The following SLC22A11 variants were observed in gnomAD, a reference collection of about 807,000 sequenced individuals.
The protein encoded by SLC22A11 is solute carrier family 22 member 11, also known as organic anion transporter 4.
SLC22A11 carries 42 observed loss-of-function variants against 49.4 expected under a neutral mutation model. The ratio of observed to expected loss-of-function variants is 0.85; its 90% CI spans 0.66 to 1.10. The LOEUF is 1.10. Ranked by LOEUF, SLC22A11 falls within the 50% of genes least tolerant of loss-of-function variation. SLC22A11 has a pLI of 0.00. For missense variants in SLC22A11, 685 were observed against 731.6 expected, an observed-to-expected ratio of 0.94 and a Z score of 0.74; for synonymous variants, 304 against 315.8, an observed-to-expected ratio of 0.96 and a Z score of 0.40.
Position 64,565,287 on chromosome 11 carries a change from G to A in SLC22A11, c.1008G>A (p.Leu336=), listed in dbSNP as rs1462093211. The change falls in exon 6 of 10, where the codon CTG becomes CTA. Residue 336 remains leucine, a synonymous_variant. Coordinates refer to ENST00000301891, the MANE Select transcript of SLC22A11 (RefSeq NM_018484.4). The surrounding 1 kb of genome is among the most constrained non-coding windows in gnomAD (Gnocchi z 4.1). ...AGGAGCCGCGGTCGGTGCTGGACCT[G>A]TTCTGCGTGCCCGTGCTCCGCTGGA... is the stretch of plus-strand genomic sequence containing the variant. ...SAKEPRSVLD[L]FCVPVLRWRS... 6.4e-7 allele frequency: 1 copy of A among 1,551,406 alleles called. No individual in the cohort carries two copies. The highest frequency in any genetic ancestry group is 1.2e-5 in the South Asian group (1 of 84,028).
Position 64,569,658 on chromosome 11 carries a change from AG to A in SLC22A11, c.1390del (p.Ala464GlnfsTer14), listed in dbSNP as rs766247957. ...CCCTCCCCTTCACCCACAGGATGAC[AG>A]CAGATGGCATTCTGCATACAGTGGG... ...ELFPTPVRMTADGILHTVGRL... is the reference protein window; with the variant it reads ...ELFPTPVRMTXDGILHTVGRL... On this transcript the variant is annotated frameshift_variant, in exon 9 of 10. Transcript: ENST00000301891. LOFTEE classifies it high-confidence loss of function. 5 of 1,613,802 alleles carry A rather than the reference AG, an allele frequency of 3.1e-6. No homozygotes were observed. The highest frequency in any genetic ancestry group is 4.2e-6 in the Non-Finnish European group (5 of 1,179,832).
chr11:64,565,641 C>T lies in SLC22A11; in HGVS notation c.1058+304C>T, dbSNP rs1402416852. The T allele has an allele frequency of 1.8e-5, 9 of 489,188 alleles. No homozygotes were observed. In the Admixed American group the frequency reaches 1.9e-4, roughly 11 times the overall value. The allele number at this position is 489,188 out of a possible 1,614,324, so 30.3% of individuals were successfully genotyped here. Reference sequence around the variant, plus strand: ...CAAGACAGAGGCAGAGCCAGGGTCCCTAGAGCCAGGGGACCAGCCACGGCC... The same window carrying T: ...CAAGACAGAGGCAGAGCCAGGGTCCTTAGAGCCAGGGGACCAGCCACGGCC... On this transcript the variant is annotated intron_variant, in intron 6 of 9. Coordinates refer to ENST00000301891, the MANE Select transcript of SLC22A11 (RefSeq NM_018484.4). This position sits in a 1 kb window ranked among gnomAD's most constrained non-coding sequence, Gnocchi z 4.1.
In SLC22A11 at chr11:64,565,299, C is replaced by T. The variant is rs1473498512; in HGVS notation, c.1020C>T (p.Pro340=). 12 of 1,550,760 alleles carry T rather than the reference C, an allele frequency of 7.7e-6. No homozygotes were observed. Among genetic ancestry groups the T allele is most frequent in the South Asian group, 1.2e-5 (1 of 84,018 alleles). ...PRSVLDLFCV[P]VLRWRSCAML... Reference sequence around the variant, plus strand: ...CGGTGCTGGACCTGTTCTGCGTGCCCGTGCTCCGCTGGAGGAGCTGCGCCA... The same window carrying T: ...CGGTGCTGGACCTGTTCTGCGTGCCTGTGCTCCGCTGGAGGAGCTGCGCCA... The change falls in exon 6 of 10, where the codon CCC becomes CCT. Residue 340 remains proline, a synonymous_variant. Transcript: ENST00000301891. This position sits in a 1 kb window ranked among gnomAD's most constrained non-coding sequence, Gnocchi z 4.1.
chr11:64,561,403 A>AT (rs2038541576), intron 2 of SLC22A11, among the ~76,000 whole-genome samples: 1 of 152,210 alleles, frequency 6.6e-6, no homozygotes, highest in Non-Finnish European at 1.5e-5. Context: ...CAGGAAGGAC[A>AT]GAGCTGGGGC....
At position 64,564,277 on chromosome 11, in the gene SLC22A11, C is replaced by T. The variant is rs377256691; in HGVS notation, c.822-31C>T. 128 of 1,612,898 alleles carry T rather than the reference C, an allele frequency of 7.9e-5. No homozygotes were observed. The highest frequency in any genetic ancestry group is 2.3e-4 in the African/African-American group (17 of 74,908). ...CCGCCCCGGGGGAGAGCCCAGCGTG[C>T]ACTCCCAGCTACACACCTGCCTCCT... On this transcript the variant is annotated intron_variant, in intron 4 of 9. Transcript: ENST00000301891. The surrounding 1 kb of genome is among the most constrained non-coding windows in gnomAD (Gnocchi z 4.2).
At position 64,571,220 on chromosome 11, in the gene SLC22A11, G is replaced by A; in HGVS notation, c.*178G>A. On this transcript the variant is annotated 3_prime_UTR_variant, in exon 10 of 10. Transcript: ENST00000301891. ...GCTGTGGCTGAAGGCAGCTTCCACAGCTCACTCCTCTTCTCCCTGCCCTGA... is the reference window on the plus strand; with the variant it reads ...GCTGTGGCTGAAGGCAGCTTCCACAACTCACTCCTCTTCTCCCTGCCCTGA... 1.6e-6 allele frequency: 1 copy of A among 635,742 alleles called. No homozygotes were observed. The highest frequency in any genetic ancestry group is 2.8e-6 in the Non-Finnish European group (1 of 362,542). The allele number at this position is 635,742 out of a possible 1,614,324, so 39.4% of individuals were successfully genotyped here.
chr11:64,571,028 AG>A lies in SLC22A11; in HGVS notation c.1640del (p.Ser547IlefsTer14). 6.2e-7 allele frequency: 1 copy of A among 1,614,252 alleles called. No homozygotes were observed. The highest frequency in any genetic ancestry group is 8.5e-7 in the Non-Finnish European group (1 of 1,180,040). On this transcript the variant is annotated frameshift_variant, in exon 10 of 10. Coordinates refer to ENST00000301891, the MANE Select transcript of SLC22A11 (RefSeq NM_018484.4). LOFTEE classifies it high-confidence loss of function. ...CCGGCAAGAGGCCGTCACTGTGGAA[AG>A]TACCTCGCTCTAGAAATTGTGCCTG... ...GNRQEAVTVE[S>X]TSL
At chr11:64,557,259 G>C (rs1336736969) in intron 1 of SLC22A11, among the ~76,000 whole-genome samples, 1 of 152,222 alleles carries the variant, frequency 6.6e-6, no homozygotes, top group African/African-American at 2.4e-5. Flanking sequence ...AGGTTAAGGG[G>C]CTGTCCCAGC....
At chr11:64,566,035 G>A (rs61884363) in intron 6 of SLC22A11, 16 of 162,138 alleles carry the variant, frequency 9.9e-5, no homozygotes, top group Non-Finnish European at 1.8e-4. Flanking sequence ...GCTCAAGCCT[G>A]TAATCCCTCA....
chr11:64,567,624 G>A lies in SLC22A11; in HGVS notation c.1084G>A (p.Gly362Arg). 6.2e-7 allele frequency: 1 copy of A among 1,614,074 alleles called. No homozygotes were observed. Among genetic ancestry groups the A allele is most frequent in the Non-Finnish European group, 8.5e-7 (1 of 1,180,032 alleles). Residue 362 changes from glycine (G) to arginine (R), a missense_variant, in exon 7 of 10, where the codon GGG becomes AGG. Transcript: ENST00000301891. ...VNFSLLISYY[G>R]LVFDLQSLGR... The stretch of plus-strand genomic sequence containing the variant: ...TTTCTCTCTATTGATCTCCTACTAT[G>A]GGCTGGTCTTCGACCTGCAGAGCCT...
Position 64,555,956 on chromosome 11 carries a change from C to T in SLC22A11, c.-44C>T, listed in dbSNP as rs1161299659. 1.9e-6 allele frequency: 3 copies of T among 1,543,402 alleles called. No individual in the cohort carries two copies. The highest frequency in any genetic ancestry group is 1.2e-5 in the South Asian group (1 of 82,414). ...TCTTGTGGCTGCAATCGGTTCCAAA[C>T]AGCAGTTAGGTCAGCAGTCCGCTCA... On this transcript the variant is annotated 5_prime_UTR_variant, in exon 1 of 10. Coordinates refer to ENST00000301891, the MANE Select transcript of SLC22A11 (RefSeq NM_018484.4).
rs755068949 is a variant in SLC22A11, at chr11:64,564,268, C to T, written c.822-40C>T. ...CTTTCCACCCCGCCCCGGGGGAGAG[C>T]CCAGCGTGCACTCCCAGCTACACAC... On this transcript the variant is annotated intron_variant, in intron 4 of 9. Coordinates refer to ENST00000301891, the MANE Select transcript of SLC22A11 (RefSeq NM_018484.4). The surrounding 1 kb of genome is among the most constrained non-coding windows in gnomAD (Gnocchi z 4.2). 2.0e-5 allele frequency: 32 copies of T among 1,611,618 alleles called. No homozygotes were observed. Among genetic ancestry groups the T allele is most frequent in the Non-Finnish European group, 2.6e-5 (31 of 1,178,672 alleles).
chr11:64,557,859 G>A (rs1323377220), intron 1 of SLC22A11, among the ~76,000 whole-genome samples: 5 of 148,236 alleles, frequency 3.4e-5, no homozygotes, highest in African/African-American at 1.3e-4. Flanking sequence ...GTGCAATAAC[G>A]CAATCTCGGC....
In SLC22A11 at chr11:64,564,471, T is replaced by G. The variant is rs1163628671; in HGVS notation, c.942+43T>G. ...GCGAGACTTGACCTGGGACAGGACGTGCACTGAGGGATCATCCGTGTGGCC... is the reference window on the plus strand; with the variant it reads ...GCGAGACTTGACCTGGGACAGGACGGGCACTGAGGGATCATCCGTGTGGCC... On this transcript the variant is annotated intron_variant, in intron 5 of 9. Coordinates refer to ENST00000301891, the MANE Select transcript of SLC22A11 (RefSeq NM_018484.4). This position sits in a 1 kb window ranked among gnomAD's most constrained non-coding sequence, Gnocchi z 4.2. 1 of 1,605,928 alleles carries G rather than the reference T, an allele frequency of 6.2e-7. No individual in the cohort carries two copies. Among genetic ancestry groups the G allele is most frequent in the South Asian group, 1.1e-5 (1 of 90,226 alleles).
chr11:64,569,817 G>A lies in SLC22A11; in HGVS notation c.1548G>A (p.Gln516=). The A allele has an allele frequency of 6.2e-7, 1 of 1,613,902 alleles. No individual in the cohort carries two copies. The highest frequency in any genetic ancestry group is 8.5e-7 in the Non-Finnish European group (1 of 1,180,032). The change falls in exon 9 of 10, where the codon CAG becomes CAA. Residue 516 remains glutamine (Q), a synonymous_variant. Transcript: ENST00000301891. ...TGCTGTTCTTCCTCCCGGAGACCCA[G>A]GGACTTCCGCTCCCTGACACTATCC... The part of the protein sequence containing the change: ...LVVLFFLPET[Q]GLPLPDTIQD...
Position 64,569,368 on chromosome 11 carries a change from G to A in SLC22A11, c.1383-284G>A, listed in dbSNP as rs542174916. On this transcript the variant is annotated intron_variant, in intron 8 of 9. Coordinates refer to ENST00000301891, the MANE Select transcript of SLC22A11 (RefSeq NM_018484.4). ...AGCATTTATTGATTTTGTTGATATC[G>A]TATGGAAAGCCTGAGTTGGGAGCTC... Among the ~76,000 whole-genome samples the A allele has an allele frequency of 2.1e-3, 315 of 152,232 alleles. 1 individual carries two copies. Among genetic ancestry groups the A allele is most frequent in the African/African-American group, 6.6e-3 (276 of 41,534 alleles).
At position 64,556,119 on chromosome 11, in the gene SLC22A11, C is replaced by T; in HGVS notation, c.120C>T (p.Phe40=). Residue 40 remains phenylalanine (F), a synonymous_variant, in exon 1 of 10, where the codon TTC becomes TTT. Coordinates refer to ENST00000301891, the MANE Select transcript of SLC22A11 (RefSeq NM_018484.4). ...CTTCCCAGATGCTCCTGGAGAACTT[C>T]TCAGCCGCCATCCCAGGCCACCGAT... ...MIPSQMLLEN[F]SAAIPGHRCW... The T allele has an allele frequency of 6.2e-7, 1 of 1,614,198 alleles. No individual in the cohort carries two copies.
In SLC22A11 at chr11:64,562,485, G is replaced by C. The variant is rs189813519; in HGVS notation, c.821+50G>C. On this transcript the variant is annotated intron_variant, in intron 4 of 9. Transcript: ENST00000301891. The surrounding 1 kb of genome is among the most constrained non-coding windows in gnomAD (Gnocchi z 4.4). ...CTTAGGAGACCCAGGGTGGGAGGGG[G>C]ACTCTTCACTTTCACCTCTCTGGCT... 1 of 1,486,492 alleles carries C rather than the reference G, an allele frequency of 6.7e-7. No homozygotes were observed. The highest frequency in any genetic ancestry group is 8.9e-7 in the Non-Finnish European group (1 of 1,120,990). 92.1% of individuals were successfully genotyped at this position (1,486,492 alleles called of 1,614,324 possible). A position where few individuals can be genotyped will look rare whatever the true frequency, so the allele number is the denominator to read the frequency against.
Position 64,568,723 on chromosome 11 carries a change from A to T in SLC22A11, c.1327A>T (p.Ile443Leu). ...FAVLGKGCFG[I>L]SLTCLTIYKA... is the part of the protein sequence containing the mutation. ...TGTGCTGGGAAAGGGATGTTTTGGGATAAGCCTAACCTGCCTCACCATCTA... is the reference window on the plus strand; with the variant it reads ...TGTGCTGGGAAAGGGATGTTTTGGGTTAAGCCTAACCTGCCTCACCATCTA... Residue 443 changes from isoleucine (I) to leucine (L), a missense_variant, in exon 8 of 10, where the codon ATA (isoleucine) becomes TTA (leucine). By Grantham distance (5) the Ile-to-Leu change is conservative. Coordinates refer to ENST00000301891, the MANE Select transcript of SLC22A11 (RefSeq NM_018484.4). The T allele has an allele frequency of 6.2e-7, 1 of 1,614,078 alleles. No individual in the cohort carries two copies. The highest frequency in any genetic ancestry group is 8.5e-7 in the Non-Finnish European group (1 of 1,180,024).
Sources: gnomAD v4.1 joint callset for allele counts (sites outside exome capture counted in the v4.1 genomes callset) on GRCh38, gnomAD v4.1.1 for gene constraint, Gnocchi (gnomAD v3.1) non-coding constraint, MANE v1.5 for transcripts, NCBI Gene and HGNC (gene_info 2026-07-23, HGNC 2026-07-21) for gene names.